Variants in XIST observed in about 807,000 individuals in gnomAD.
XIST encodes the protein X inactive specific transcript.
exon 6 of XIST, chrX:73,824,325 TATA>T: frequency 3.8e-6 from 2 of 520,756 alleles, no homozygotes; most frequent in Non-Finnish European, 6.9e-6. Flanking sequence ...ATTTGCACAA[TATA>T]ATAACTATCA....
exon 6 of XIST, chrX:73,825,243 C>T (rs1475119601): frequency 3.6e-6 from 2 of 558,954 alleles, no homozygotes; most frequent in South Asian, 4.4e-5. Flanking sequence ...TGCATTTTTA[C>T]TCAAAATTAC....
chrX:73,842,471 A>G (rs1355916149), exon 1 of XIST: 2 of 550,013 alleles, frequency 3.6e-6, no homozygotes, highest in Non-Finnish European at 6.5e-6. Context: ...GAATCTGACA[A>G]TAATTGAAAC....
chrX:73,824,619 A>G (rs1364763763), exon 6 of XIST: 1 of 553,837 alleles, frequency 1.8e-6, no homozygotes, highest in South Asian at 2.3e-5. Context: ...TGTAGAGACA[A>G]TACCTAGCTT....
exon 1 of XIST, chrX:73,847,807 G>A: frequency 1.8e-6 from 1 of 558,863 alleles, no homozygotes; most frequent in East Asian, 3.2e-5. Context: ...AATGTAAAAG[G>A]GGTAGAATAT....
exon 1 of XIST, chrX:73,842,458 C>A (rs1922617902): frequency 1.8e-6 from 1 of 547,107 alleles, no homozygotes; most frequent in Admixed American, 2.3e-5. Flanking sequence ...GTTCTTGTCC[C>A]CAGAATCTGA....
At chrX:73,830,629 CTTG>C (rs1484003166) in intron 4 of XIST, among the ~76,000 whole-genome samples, 3 of 112,160 alleles carry the variant, frequency 2.7e-5, no homozygotes, top group African/African-American at 9.7e-5. Flanking sequence ...ACACCTCTCA[CTTG>C]TTGTATTATA....
At chrX:73,824,821 C>T (rs765348876) in exon 6 of XIST, 15 of 558,465 alleles carry the variant, frequency 2.7e-5, no homozygotes, top group Middle Eastern at 3.1e-4. Context: ...CTTAACCTCA[C>T]CAGTAAAGTC....
Position 73,824,159 on chromosome X carries a change from A to G in XIST, n.15742T>C, listed in dbSNP as rs780442380. The stretch of plus-strand genomic sequence containing the variant: ...TTACACATATTTTCTTCTGCTACCC[A>G]AGACACAATAAAGATGGTTTATCTT... On this transcript the variant is annotated non_coding_transcript_exon_variant, in exon 6 of 6. Coordinates refer to ENST00000429829, the Ensembl canonical transcript of XIST. 31 of 516,554 alleles carry G rather than the reference A, an allele frequency of 6.0e-5. No homozygotes were observed. In the Admixed American group the frequency reaches 7.9e-4, roughly 13 times the overall value. The allele number at this position is 516,554 out of a possible 1,213,427, so 42.6% of individuals were successfully genotyped here.
intron 4 of XIST, among the ~76,000 whole-genome samples, chrX:73,830,471 T>A (rs747149532): frequency 8.9e-6 from 1 of 112,300 alleles, no homozygotes; most frequent in Admixed American, 9.4e-5. Flanking sequence ...CACTCGCTAA[T>A]CAGCCTCTCC....
chrX:73,841,996 A>G lies in XIST; in HGVS notation n.10728T>C, dbSNP rs774092031. On this transcript the variant is annotated non_coding_transcript_exon_variant, in exon 1 of 6. Transcript: ENST00000429829. Reference sequence around the variant, plus strand: ...ATACTGGTCTTAAGAGTTCCACTCTAGAATATCTTTGATATTAAAATAGCA... The same window carrying G: ...ATACTGGTCTTAAGAGTTCCACTCTGGAATATCTTTGATATTAAAATAGCA... The G allele has an allele frequency of 3.3e-5, 18 of 543,091 alleles. No individual in the cohort carries two copies. The South Asian group carries it at 4.0e-4, about 12-fold the overall frequency. 44.8% of individuals were successfully genotyped at this position (543,091 alleles called of 1,213,427 possible).
At chrX:73,825,081 A>G (rs1569511596) in exon 6 of XIST, 2 of 515,271 alleles carry the variant, frequency 3.9e-6, no homozygotes, top group African/African-American at 4.6e-5. Flanking sequence ...TTGTTCTATG[A>G]GAATACTTTT....
At chrX:73,821,166 C>T (rs1922106477) in exon 6 of XIST, 2 of 555,723 alleles carry the variant, frequency 3.6e-6, no homozygotes, top group East Asian at 3.3e-5. Context: ...TATTTCAAAT[C>T]TGATGTCTAA....
At chrX:73,830,734 A>G (rs1477043238) in intron 4 of XIST, among the ~76,000 whole-genome samples, 1 of 112,088 alleles carries the variant, frequency 8.9e-6, no homozygotes, top group Admixed American at 9.5e-5. Flanking sequence ...ACCACATGGA[A>G]CAGAATGATT....
chrX:73,840,986 G>A (rs1922575802), intron 1 of XIST, among the ~76,000 whole-genome samples: 1 of 111,837 alleles, frequency 8.9e-6, no homozygotes, highest in Admixed American at 9.5e-5. Flanking sequence ...ATCCTTGTGG[G>A]TTCCCTTCCT....
chrX:73,821,900 T>C (rs1248943240), exon 6 of XIST: 7 of 553,708 alleles, frequency 1.3e-5, no homozygotes, highest in African/African-American at 2.2e-5. Flanking sequence ...GATTTGATGA[T>C]AAAAAGGAGA....
chrX:73,848,530 G>A, exon 1 of XIST: 1 of 557,613 alleles, frequency 1.8e-6, no homozygotes, highest in Non-Finnish European at 3.2e-6. Flanking sequence ...TGCACAAGAA[G>A]AGTCCTTGGG....
exon 1 of XIST, chrX:73,844,127 C>T: frequency 1.8e-6 from 1 of 558,225 alleles, no homozygotes; most frequent in Non-Finnish European, 3.2e-6. Flanking sequence ...TTGTCTAGGG[C>T]ACAAGAACCA....
At chrX:73,822,767 C>A (rs1468376809) in exon 6 of XIST, 2 of 552,151 alleles carry the variant, frequency 3.6e-6, no homozygotes, top group Admixed American at 4.6e-5. Flanking sequence ...TCATCTTCAT[C>A]AATACTCGTA....
chrX:73,830,135 A>AAAG (rs374091915), intron 4 of XIST, among the ~76,000 whole-genome samples: 1,718 of 111,162 alleles, frequency 0.015, 42 homozygotes, highest in African/African-American at 0.052. Flanking sequence ...ATACAAAAAA[A>AAAG]AAGAAGAAGA....
Sources: allele counts gnomAD v4.1 joint callset (sites outside exome capture counted in the v4.1 genomes callset), GRCh38; gene constraint gnomAD v4.1.1; transcripts MANE v1.5; gene names NCBI Gene and HGNC (gene_info 2026-07-23, HGNC 2026-07-21).